Variants in VEGFD observed in about 807,000 individuals in gnomAD.
VEGFD encodes the protein c-fos induced growth factor (vascular endothelial growth factor D).
Under a neutral mutation model 28.0 loss-of-function variants are expected in VEGFD, and 26 were observed. The ratio of observed to expected loss-of-function variants is 0.93; its 90% CI spans 0.68 to 1.29. The LOEUF is 1.29. VEGFD is among the 50% of genes most tolerant of loss of function. The probability of loss-of-function intolerance (pLI) is 0.00; values close to 1 mark genes in which losing one functional copy is unlikely to be tolerated. For missense variants in VEGFD, 294 were observed against 273.4 expected (o/e 1.08, Z -0.53); for synonymous variants, 93 against 95.5 (o/e 0.97, Z 0.15).
At chrX:15,379,487 C>T (rs961801970) in intron 1 of VEGFD, among the ~76,000 whole-genome samples, 4 of 111,648 alleles carry the variant, frequency 3.6e-5, no homozygotes, top group African/African-American at 6.5e-5. Context: ...TGTATAATGC[C>T]CTAGTGTCTT....
chrX:15,381,099 A>T (rs111753344), intron 1 of VEGFD, among the ~76,000 whole-genome samples: 2 of 112,257 alleles, frequency 1.8e-5, no homozygotes, highest in Non-Finnish European at 3.8e-5. Flanking sequence ...GAGATTTTCA[A>T]ACAGATTTGT....
intron 2 of VEGFD, among the ~76,000 whole-genome samples, chrX:15,359,149 T>A (rs1184564681): frequency 9.0e-6 from 1 of 110,640 alleles, no homozygotes; most frequent in Non-Finnish European, 1.9e-5. Context: ...GTCATGCCCT[T>A]GTGTAAATGC....
At chrX:15,351,155 G>GC (rs2147735990) in intron 5 of VEGFD, among the ~76,000 whole-genome samples, 1 of 83,525 alleles carries the variant, frequency 1.2e-5, no homozygotes, top group African/African-American at 4.5e-5. Context: ...TCGCTCTGTT[G>GC]CCCAGGCTGG....
chrX:15,375,895 T>A (rs935505667), intron 1 of VEGFD, among the ~76,000 whole-genome samples: 1 of 111,520 alleles, frequency 9.0e-6, no homozygotes, highest in African/African-American at 3.3e-5. Context: ...TGCCTTTATG[T>A]GTTTGAAATC....
In VEGFD at chrX:15,363,090, T is replaced by G. The variant is rs1341413266; in HGVS notation, c.301+19A>C. 1 of 1,195,372 alleles carries G rather than the reference T, an allele frequency of 8.4e-7. No individual in the cohort carries two copies. The highest frequency in any genetic ancestry group is 1.1e-6 in the Non-Finnish European group (1 of 880,823). ...ATCTAATAAAGAGAAAGAATTTGTC[T>G]CCACATCCACACACCTACCTTTTAG... On this transcript the variant is annotated intron_variant, in intron 2 of 6. Transcript: ENST00000297904.
intron 1 of VEGFD, among the ~76,000 whole-genome samples, chrX:15,364,453 G>A (rs1923096976): frequency 8.9e-6 from 1 of 111,849 alleles, no homozygotes; most frequent in South Asian, 3.7e-4. Context: ...TGGGGGCTTA[G>A]TTATATAAAT....
At chrX:15,354,280 A>G (rs903574114) in intron 4 of VEGFD, among the ~76,000 whole-genome samples, 2 of 111,083 alleles carry the variant, frequency 1.8e-5, no homozygotes, top group African/African-American at 6.6e-5. Flanking sequence ...CCCTAAGATT[A>G]TTTTCTTTAA....
chrX:15,353,968 ATTTTC>A (rs1922797580), intron 4 of VEGFD, among the ~76,000 whole-genome samples: 1 of 109,282 alleles, frequency 9.2e-6, no homozygotes, highest in Non-Finnish European at 1.9e-5. Context: ...TCCTAAGATT[ATTTTC>A]TTTTCTTTTT....
intron 1 of VEGFD, among the ~76,000 whole-genome samples, chrX:15,382,963 A>T (rs768857308): frequency 7.2e-5 from 8 of 111,586 alleles, no homozygotes; most frequent in Non-Finnish European, 1.5e-4. Flanking sequence ...CAAAAGGGTA[A>T]AACTTTTTCA....
chrX:15,347,120 C>A, intron 6 of VEGFD, 44 bp downstream of exon 6: 1 of 1,124,802 alleles, frequency 8.9e-7, no homozygotes, highest in Non-Finnish European at 1.2e-6. Flanking sequence ...ATGGCATCTA[C>A]GTTAAATGTC....
At chrX:15,358,406 T>G (rs1922921107) in intron 2 of VEGFD, among the ~76,000 whole-genome samples, 1 of 111,989 alleles carries the variant, frequency 8.9e-6, no homozygotes, top group African/African-American at 3.2e-5. Flanking sequence ...TACCATACCT[T>G]GTAGAATATA....
intron 5 of VEGFD, among the ~76,000 whole-genome samples, chrX:15,350,853 CTCTTTCTTTCTT>C (rs1255667249): frequency 1.2e-5 from 1 of 81,644 alleles, no homozygotes; most frequent in Admixed American, 1.4e-4. Context: ...TTCTCTTTCT[CTCTTTCTTTCTT>C]TCTTTCTTTT....
At chrX:15,372,974 T>C (rs768681587) in intron 1 of VEGFD, among the ~76,000 whole-genome samples, 22 of 111,728 alleles carry the variant, frequency 2.0e-4, no homozygotes, top group African/African-American at 6.5e-4. Context: ...AATAGCATGA[T>C]GAAGTTGGCT....
In VEGFD at chrX:15,346,162, G is replaced by GA. The variant is rs1922541719; in HGVS notation, c.1035_1036insT (p.Gln346SerfsTer89). The GA allele has an allele frequency of 8.3e-7, 1 of 1,210,048 alleles. No homozygotes were observed. The highest frequency in any genetic ancestry group is 1.7e-5 in the African/African-American group (1 of 57,347). On this transcript the variant is annotated frameshift_variant, in exon 7 of 7. Transcript: ENST00000297904. LOFTEE classifies it high-confidence loss of function. ...GGATTCTTTCGGCTGTGGGGCCCCT[G>GA]GGCAGCCCTTTTCTCCTTTGGAAAG...
chrX:15,350,545 C>T (rs1214767067), intron 5 of VEGFD, among the ~76,000 whole-genome samples: 1 of 112,422 alleles, frequency 8.9e-6, no homozygotes, highest in Admixed American at 9.4e-5. Context: ...AGGCTGATGC[C>T]TCTTAGCAAC....
intron 1 of VEGFD, among the ~76,000 whole-genome samples, chrX:15,364,602 C>T (rs1300500949): frequency 4.5e-5 from 5 of 111,712 alleles, no homozygotes; most frequent in African/African-American, 6.5e-5. Flanking sequence ...CTAGGGCCTC[C>T]GATTTTCTCT....
chrX:15,352,963 C>T (rs4523426), intron 5 of VEGFD, 105 bp downstream of exon 5: 4 of 334,634 alleles, frequency 1.2e-5, no homozygotes, highest in African/African-American at 8.1e-5. Flanking sequence ...AAAACATATA[C>T]AAGATTTACA....
At chrX:15,366,383 T>C (rs1923149850) in intron 1 of VEGFD, among the ~76,000 whole-genome samples, 1 of 112,331 alleles carries the variant, frequency 8.9e-6, no homozygotes, top group African/African-American at 3.2e-5. Flanking sequence ...TTTAAGTATT[T>C]CTTCAAATTA....
intron 2 of VEGFD, among the ~76,000 whole-genome samples, chrX:15,362,194 C>T (rs960651304): frequency 3.6e-5 from 4 of 111,400 alleles, no homozygotes; most frequent in African/African-American, 6.5e-5. Context: ...AATCTTCATA[C>T]GTTACTAGGG....
Sources: allele counts gnomAD v4.1 joint callset (sites outside exome capture counted in the v4.1 genomes callset), GRCh38; gene constraint gnomAD v4.1.1; transcripts MANE v1.5; gene names NCBI Gene and HGNC (gene_info 2026-07-23, HGNC 2026-07-21).